MACF1: variants seen among roughly 807,000 people sequenced by gnomAD.
The protein encoded by MACF1 is microtubule-actin cross-linking factor 1.
Under a neutral mutation model 854.8 loss-of-function variants are expected in MACF1, and 193 were observed. That is an observed-to-expected ratio of 0.23 (90% CI 0.20 to 0.25). MACF1 has a LOEUF of 0.25. Among genes scored for constraint, MACF1 ranks in the 10% least tolerant of loss-of-function variants. The pLI is 1.00. For missense variants in MACF1, 7,722 were observed against 8,929.1 expected, an observed-to-expected ratio of 0.86 and a Z score of 5.45; for synonymous variants, 3,185 against 3,226.7, an observed-to-expected ratio of 0.99 and a Z score of 0.44.
intron 2 of MACF1, among the ~76,000 whole-genome samples, chr1:39,104,467 C>T (rs1181522820): frequency 6.6e-6 from 1 of 152,194 alleles, no homozygotes; most frequent in Non-Finnish European, 1.5e-5. Context: ...AGCTATGCTC[C>T]AGAGTCCTTT....
intron 33 of MACF1, among the ~76,000 whole-genome samples, chr1:39,323,488 A>G (rs961541986): frequency 1.3e-5 from 2 of 151,192 alleles, no homozygotes; most frequent in Non-Finnish European, 2.9e-5. Context: ...TTGAGAGACA[A>G]GGAAGTTAGA....
Position 39,485,698 on chromosome 1 carries a change from C to T in MACF1, c.22572C>T (p.Gly7524=). The T allele has an allele frequency of 6.2e-7, 1 of 1,614,078 alleles. No homozygotes were observed. The highest frequency in any genetic ancestry group is 8.5e-7 in the Non-Finnish European group (1 of 1,179,994). ...AAAGCAGCGCTGCAGGGGGCCAAGG[C>T]AACTCCAGGAGAGGGCTAAACAAAC... ...TSESSAAGGQ[G]NSRRGLNKPS... is the part of the protein sequence containing the mutation. The change falls in exon 101 of 101, where the codon GGC becomes GGT. Residue 7524 remains glycine (G), a synonymous_variant. Coordinates refer to ENST00000564288, the MANE Select transcript of MACF1 (RefSeq NM_001394062.1).
At chr1:39,121,278 G>A (rs1391912596) in intron 2 of MACF1, among the ~76,000 whole-genome samples, 19 of 151,928 alleles carry the variant, frequency 1.3e-4, no homozygotes, top group Non-Finnish European at 1.0e-4. Flanking sequence ...TTTTAAAAAA[G>A]TTTAAATAAA....
At chr1:39,324,766 T>G (rs1177980072) in intron 35 of MACF1, 32 bp downstream of exon 35, 4 of 1,477,604 alleles carry the variant, frequency 2.7e-6, no homozygotes, top group Non-Finnish European at 2.8e-6. Flanking sequence ...ATGGCACATC[T>G]GGGGCACCTG....
intron 43 of MACF1, among the ~76,000 whole-genome samples, 186 bp from the exon 44 acceptor site, chr1:39,352,821 T>C (rs772072307): frequency 6.6e-6 from 1 of 152,012 alleles, no homozygotes; most frequent in Non-Finnish European, 1.5e-5. Flanking sequence ...AATGTAGAGA[T>C]ATTTTTAATA....
At position 39,340,883 on chromosome 1, in the gene MACF1, T is replaced by C. The variant is rs763759250; in HGVS notation, c.10511T>C (p.Ile3504Thr). Residue 3504 changes from isoleucine (I) to threonine (T), a missense_variant, in exon 40 of 101, where the codon ATT becomes ACT. Around this residue, in one of 15 missense-constraint regions of MACF1, gnomAD observed 854 missense variants for 852.6 expected, o/e 1.00. Transcript: ENST00000564288. ...GCCTGGGTTGGCAATAAAAATCTTA[T>C]TCTGAACAGCAAGGGATCTAACAGT... is the stretch of plus-strand genomic sequence containing the variant. Reference protein sequence around the residue: ...LRAWVGNKNLILNSKGSNSEI... With the variant: ...LRAWVGNKNLTLNSKGSNSEI... The C allele has an allele frequency of 3.4e-5, 55 of 1,613,942 alleles. 1 individual carries two copies. The highest frequency in any genetic ancestry group is 1.1e-4 in the South Asian group (10 of 91,068).
rs79027360 is a variant in MACF1, at chr1:39,281,701, A to G, written c.529-507A>G. Among the ~76,000 whole-genome samples, 1,267 of 152,302 alleles carry G rather than the reference A, an allele frequency of 8.3e-3. 11 individuals carry two copies. Among genetic ancestry groups the G allele is most frequent in the Middle Eastern group, 0.017 (5 of 294 alleles). On this transcript the variant is annotated intron_variant, in intron 6 of 100. Coordinates refer to ENST00000564288, the MANE Select transcript of MACF1 (RefSeq NM_001394062.1). ...CTTTTTAGGTGCTACAAAGAATTCT[A>G]TTCTGCTATAATTGTGCTATGATTT...
chr1:39,217,267 ATT>A (rs1273041419), intron 1 of MACF1, among the ~76,000 whole-genome samples: 2 of 149,684 alleles, frequency 1.3e-5, no homozygotes, highest in African/African-American at 4.9e-5. Context: ...ATTTTATTTT[ATT>A]TTATTTTATT....
intron 97 of MACF1, among the ~76,000 whole-genome samples, chr1:39,470,587 A>G (rs539013798): frequency 6.6e-6 from 1 of 152,374 alleles, no homozygotes; most frequent in Admixed American, 6.5e-5. Context: ...TCAAAGCTAC[A>G]GTGAGCCATG....
In MACF1 at chr1:39,319,729, G is replaced by A. The variant is rs752263534; in HGVS notation, c.4011G>A (p.Gln1337=). Residue 1337 remains glutamine (Q), a synonymous_variant, in exon 31 of 101, where the codon CAG becomes CAA. Transcript: ENST00000564288. ...KLDQCQKFSQ[Q]YSTIVKDYEL... is the part of the protein sequence containing the mutation. ...ATCAATGTCAAAAATTTTCCCAGCA[G>A]TACTCTACTATTGTAAAGGTAACTT... The A allele has an allele frequency of 6.2e-7, 1 of 1,613,048 alleles. No homozygotes were observed. Among genetic ancestry groups the A allele is most frequent in the African/African-American group, 1.3e-5 (1 of 75,006 alleles).
chr1:39,318,578 A>C lies in MACF1; in HGVS notation c.3908A>C (p.Asp1303Ala). 1 of 1,613,722 alleles carries C rather than the reference A, an allele frequency of 6.2e-7. No individual in the cohort carries two copies. The change falls in exon 30 of 101, where the codon GAT becomes GCT. Residue 1303 changes from aspartate (D) to alanine (A), a missense_variant. Asp to Ala is a moderately radical substitution (Grantham distance 126). Coordinates refer to ENST00000564288, the MANE Select transcript of MACF1 (RefSeq NM_001394062.1). ...ATGATGAAGCCAGGCCAGGCAGAGG[A>C]TAGCAGAGTGCTTTCGGAGCAGCTC... Reference protein sequence around the residue: ...QEMMKPGQAEDSRVLSEQLSQ... With the variant: ...QEMMKPGQAEASRVLSEQLSQ...
At chr1:39,328,739 C>T (rs1372635043) in intron 36 of MACF1, 1 of 152,186 alleles carries the variant, frequency 6.6e-6, no homozygotes, top group East Asian at 1.9e-4. Flanking sequence ...TTCTTTCCTC[C>T]TCTCCTTCTA....
In MACF1 at chr1:39,372,613, C is replaced by CA. The variant is rs1234288304; in HGVS notation, c.13213+21dup. Reference sequence around the variant, plus strand: ...GCAAGACAGGTGAGTACAGGCTCTTCAAAATATAGTGAATAAAAATTGCTC... The same window carrying CA: ...GCAAGACAGGTGAGTACAGGCTCTTCAAAAATATAGTGAATAAAAATTGCTC... On this transcript the variant is annotated intron_variant, in intron 52 of 100. Coordinates refer to ENST00000564288, the MANE Select transcript of MACF1 (RefSeq NM_001394062.1). 2 of 1,515,248 alleles carry CA rather than the reference C, an allele frequency of 1.3e-6. No individual in the cohort carries two copies. The highest frequency in any genetic ancestry group is 3.4e-5 in the Admixed American group (2 of 58,984). 93.9% of individuals were successfully genotyped at this position (1,515,248 alleles called of 1,614,324 possible). A position where few individuals can be genotyped will look rare whatever the true frequency, so the allele number is the denominator to read the frequency against.
At chr1:39,125,368 G>A (rs1336441402) in intron 2 of MACF1, among the ~76,000 whole-genome samples, 3 of 152,194 alleles carry the variant, frequency 2.0e-5, no homozygotes, top group Admixed American at 1.3e-4. Flanking sequence ...TCTAAACATT[G>A]ATTTCCTCGT....
chr1:39,240,018 C>G (rs1392767637), intron 2 of MACF1, among the ~76,000 whole-genome samples: 1 of 152,164 alleles, frequency 6.6e-6, no homozygotes, highest in East Asian at 1.9e-4. Flanking sequence ...TTCCCGAGTG[C>G]TAGGATTACA....
In MACF1 at chr1:39,106,717, C is replaced by CT. The variant is rs1313181324; in HGVS notation, c.220+22280dup. 2.6e-5 allele frequency among the ~76,000 whole-genome samples: 4 copies of CT among 152,156 alleles called. No individual in the cohort carries two copies. The East Asian group carries it at 5.8e-4, about 22-fold the overall frequency. ...GGAGAGGAAACTTCAGCCCCTATGA[C>CT]TGAGTCCAGCGTACTTGTTTACAGC... On this transcript the variant is annotated intron_variant, in intron 2 of 93. Coordinates refer to the MACF1 transcript ENST00000361689.
chr1:39,300,185 T>A, intron 21 of MACF1, 25 bp from the exon 22 acceptor site: 1 of 1,610,886 alleles, frequency 6.2e-7, no homozygotes, highest in Non-Finnish European at 8.5e-7. Context: ...ATTAATGTCA[T>A]TTTGTTTTTC....
rs1311639207 is a variant in MACF1 at position 39,480,946 on chromosome 1, T to G, written c.22197T>G (p.Tyr7399Ter). ...CTTCACTTCAGTTCTCTCGCTGTTA[T>G]GACAAACCCTGGTTGGTAAACAGTA... ...TKTSLQFSRC[Y>*]DKPWLVNSKA... Residue 7399 changes from tyrosine (Y) to a stop codon, truncating the protein, a stop_gained, in exon 99 of 101, where the codon TAT (tyrosine) becomes TAG (stop). Transcript: ENST00000564288. LOFTEE classifies it high-confidence loss of function. The G allele has an allele frequency of 6.4e-7, 1 of 1,550,716 alleles. No homozygotes were observed. Among genetic ancestry groups the G allele is most frequent in the Admixed American group, 2.0e-5 (1 of 50,982 alleles).
chr1:39,134,081 G>A (rs1031146551), intron 2 of MACF1, among the ~76,000 whole-genome samples: 6 of 111,292 alleles, frequency 5.4e-5, no homozygotes, highest in African/African-American at 2.1e-4. Flanking sequence ...CGCTCTGTCC[G>A]CCAGGCTAGA....
Sources: gnomAD v4.1 joint callset for allele counts (sites outside exome capture counted in the v4.1 genomes callset) on GRCh38, gnomAD v4.1.1 for gene constraint, gnomAD v4.1.1 regional missense constraint, MANE v1.5 for transcripts, NCBI Gene and HGNC (gene_info 2026-07-23, HGNC 2026-07-21) for gene names.